The following CLPSL1 variants were observed in gnomAD, a reference collection of about 807,000 sequenced individuals.
CLPSL1 encodes colipase-like protein 1.
In CLPSL1, 13 loss-of-function variants were observed where a neutral mutation model predicts 9.3. The observed-to-expected ratio is 1.40, with a 90% CI of 0.91 to 2.22. The LOEUF (loss-of-function observed/expected upper bound fraction) is 2.22. Ranked by LOEUF, CLPSL1 falls within the 30% of genes most tolerant of loss-of-function variation. The pLI is 0.00. For synonymous variants in CLPSL1, 58 were observed against 56.9 expected (o/e 1.02, Z -0.08); for missense variants, 164 against 146.6 (o/e 1.12, Z -0.61).
rs756351939 is a variant in CLPSL1 at position 35,781,136 on chromosome 6, T to C, written c.26T>C (p.Leu9Pro). 5.6e-6 allele frequency: 9 copies of C among 1,614,078 alleles called. No individual in the cohort carries two copies. The highest frequency in any genetic ancestry group is 5.9e-6 in the Non-Finnish European group (7 of 1,179,958). MMLPQWLL[L>P]LFLLFFFLFL... The stretch of plus-strand genomic sequence containing the variant: ...ATGATGCTACCCCAATGGCTGCTGC[T>C]GCTGTTCCTTCTCTTCTTCTTTCTC... Residue 9 changes from leucine to proline, a missense_variant, in exon 1 of 3, where the codon CTG becomes CCG. Physicochemically the swap from Leu to Pro is moderately conservative, Grantham distance 98. Transcript: ENST00000373861.
downstream of CLPSL1, among the ~76,000 whole-genome samples, chr6:35,791,616 A>AAAAAAG (rs1354635379): frequency 2.6e-5 from 4 of 152,078 alleles, no homozygotes; most frequent in Admixed American, 6.5e-5. Flanking sequence ...TCCAAAAAAA[A>AAAAAAG]AAAAAGAAAA....
At chr6:35,790,473 C>T (rs1022229893), downstream of CLPSL1, among the ~76,000 whole-genome samples, 17 of 152,278 alleles carry the variant, frequency 1.1e-4, no homozygotes, top group African/African-American at 2.2e-4. Flanking sequence ...AGAATTAAAC[C>T]GATAAAAGAG....
intron 1 of CLPSL1, among the ~76,000 whole-genome samples, chr6:35,786,127 TG>T (rs1768068607): frequency 6.6e-6 from 1 of 152,040 alleles, no homozygotes; most frequent in African/African-American, 2.4e-5. Context: ...TAGCCAGGCA[TG>T]GTGGCGCACG....
intron 1 of CLPSL1, among the ~76,000 whole-genome samples, chr6:35,783,536 G>T (rs1768008880): frequency 6.6e-6 from 1 of 151,904 alleles, no homozygotes; most frequent in Admixed American, 6.6e-5. Flanking sequence ...GCTGGGCGCG[G>T]TGGCTCATGC....
intron 1 of CLPSL1, among the ~76,000 whole-genome samples, chr6:35,782,403 A>C (rs1581950344): frequency 6.6e-6 from 1 of 152,250 alleles, no homozygotes; most frequent in Non-Finnish European, 1.5e-5. Flanking sequence ...TATAGCAGTG[A>C]ACGTGAGAGC....
chr6:35,784,149 T>C (rs185490766), intron 1 of CLPSL1, among the ~76,000 whole-genome samples: 30 of 152,298 alleles, frequency 2.0e-4, no homozygotes, highest in African/African-American at 3.6e-4. Context: ...ATTCGTTTGA[T>C]CTGGAAGGGT....
downstream of CLPSL1, among the ~76,000 whole-genome samples, chr6:35,792,348 TC>T (rs1768237999): frequency 6.6e-6 from 1 of 152,252 alleles, no homozygotes; most frequent in Non-Finnish European, 1.5e-5. Context: ...TTAAATGTGC[TC>T]AATCAGAATG....
At chr6:35,793,407 A>G in intron 1 of CLPSL1, 1 of 461,084 alleles carries the variant, frequency 2.2e-6, no homozygotes, top group South Asian at 1.6e-5. Flanking sequence ...CTTGGGCAAC[A>G]AGAGCAAAAC....
chr6:35,783,827 AT>A (rs1448896702), intron 1 of CLPSL1, among the ~76,000 whole-genome samples: 2 of 150,574 alleles, frequency 1.3e-5, no homozygotes, highest in Non-Finnish European at 3.0e-5. Context: ...AAAAAAAAAA[AT>A]CTGACTTATT....
downstream of CLPSL1, among the ~76,000 whole-genome samples, chr6:35,789,842 C>T (rs1194090296): frequency 6.6e-6 from 1 of 152,058 alleles, no homozygotes; most frequent in Non-Finnish European, 1.5e-5. Context: ...TGCAGTGAGC[C>T]GAGATCATAC....
chr6:35,787,983 G>A lies in CLPSL1; in HGVS notation c.339G>A (p.Gln113=), dbSNP rs1021907354. ...GCCGTTGTCAGAAAATTGGAAGGCAGAAGTTGGCTAAGAAAATGTTCTTCT... is the reference window on the plus strand; with the variant it reads ...GCCGTTGTCAGAAAATTGGAAGGCAAAAGTTGGCTAAGAAAATGTTCTTCT... The part of the protein sequence containing the change: ...AYGRCQKIGR[Q]KLAKKMFF Residue 113 remains glutamine, a synonymous_variant, in exon 3 of 3, where the codon CAG becomes CAA. Transcript: ENST00000373861. The A allele has an allele frequency of 2.5e-6, 4 of 1,613,548 alleles. No homozygotes were observed. Among genetic ancestry groups the A allele is most frequent in the African/African-American group, 2.7e-5 (2 of 74,940 alleles).
intron 1 of CLPSL1, among the ~76,000 whole-genome samples, chr6:35,785,467 A>G (rs1768051199): frequency 1.3e-5 from 2 of 152,006 alleles, no homozygotes; most frequent in South Asian, 4.1e-4. Flanking sequence ...GTGAGCCACC[A>G]TGCCTGGCCC....
At chr6:35,788,170 G>A (rs1581955152), downstream of CLPSL1, 4 of 662,386 alleles carry the variant, frequency 6.0e-6, no homozygotes, top group South Asian at 1.5e-5. Context: ...CACAGAGTTG[G>A]GGCCTGGGTG....
intron 1 of CLPSL1, among the ~76,000 whole-genome samples, chr6:35,786,683 G>T (rs192835713): frequency 1.4e-3 from 214 of 152,310 alleles, no homozygotes; most frequent in Admixed American, 2.4e-3. Context: ...GTTTTGGGGC[G>T]AGAAGGCTCT....
At chr6:35,785,064 G>C (rs916616237) in intron 1 of CLPSL1, among the ~76,000 whole-genome samples, 1 of 152,066 alleles carries the variant, frequency 6.6e-6, no homozygotes, top group East Asian at 1.9e-4. Flanking sequence ...GACCACATGC[G>C]CAGTGTCCTC....
chr6:35,789,737 T>C (rs1768151727), downstream of CLPSL1, among the ~76,000 whole-genome samples: 1 of 152,178 alleles, frequency 6.6e-6, no homozygotes, highest in Non-Finnish European at 1.5e-5. Flanking sequence ...GTACTAAAAA[T>C]ACAAAAATTA....
In CLPSL1 at chr6:35,784,695, T is replaced by A. The variant is rs187225863; in HGVS notation, c.100-2303T>A. On this transcript the variant is annotated intron_variant, in intron 1 of 2. Coordinates refer to ENST00000373861, the MANE Select transcript of CLPSL1 (RefSeq NM_001010886.5). ...TGGGAGGATTGTCTGAGCCCAGAGGTTCGAGACCAACCTGGGCAACAAAGC... is the reference window on the plus strand; with the variant it reads ...TGGGAGGATTGTCTGAGCCCAGAGGATCGAGACCAACCTGGGCAACAAAGC... Among the ~76,000 whole-genome samples the A allele has an allele frequency of 3.4e-4, 52 of 152,276 alleles. No homozygotes were observed. The East Asian group carries it at 9.1e-3, about 27-fold the overall frequency.
At chr6:35,792,004 T>G (rs1172321056), downstream of CLPSL1, among the ~76,000 whole-genome samples, 2 of 151,484 alleles carry the variant, frequency 1.3e-5, no homozygotes, top group Non-Finnish European at 3.0e-5. Flanking sequence ...GAGAATTGCT[T>G]GAACCTGGGA....
intron 1 of CLPSL1, among the ~76,000 whole-genome samples, chr6:35,786,264 G>A (rs564594504): frequency 6.6e-6 from 1 of 152,276 alleles, no homozygotes; most frequent in African/African-American, 2.4e-5. Flanking sequence ...AAAAAAAGAA[G>A]AAAAGAAAAT....
Sources: allele counts gnomAD v4.1 joint callset (sites outside exome capture counted in the v4.1 genomes callset), GRCh38; gene constraint gnomAD v4.1.1; transcripts MANE v1.5; gene names NCBI Gene and HGNC (gene_info 2026-07-23, HGNC 2026-07-21).